Variants in AHCYL2 observed in about 807,000 individuals in gnomAD.
AHCYL2 encodes the protein S-adenosylhomocysteine hydrolase-like protein 2.
A neutral mutation model predicts 81.4 loss-of-function variants in AHCYL2; 28 were observed. The observed-to-expected ratio is 0.34, with a 90% confidence interval of 0.25 to 0.47. The LOEUF (loss-of-function observed/expected upper bound fraction) is 0.47. Ranked by LOEUF, AHCYL2 falls within the 20% of genes least tolerant of loss-of-function variation. The probability of loss-of-function intolerance (pLI) is 1.00; values close to 1 mark genes in which losing one functional copy is unlikely to be tolerated. For missense variants in AHCYL2, 551 were observed against 785.1 expected (o/e 0.70, Z 3.56); for synonymous variants, 272 against 290.2 (o/e 0.94, Z 0.64).
chr7:129,276,748 A>AG (rs1563177529), intron 1 of AHCYL2, among the ~76,000 whole-genome samples: 1 of 151,212 alleles, frequency 6.6e-6, no homozygotes, highest in African/African-American at 2.4e-5. Context: ...AAAAAAAAAA[A>AG]AAAGAAAAAA....
chr7:129,378,987 T>C (rs1256170849), intron 1 of AHCYL2, among the ~76,000 whole-genome samples: 1 of 152,040 alleles, frequency 6.6e-6, no homozygotes, highest in Non-Finnish European at 1.5e-5. Context: ...AAAAAGCATA[T>C]AGTCAAAGAG....
chr7:129,389,426 G>A (rs1174476259), intron 3 of AHCYL2, among the ~76,000 whole-genome samples: 1 of 150,690 alleles, frequency 6.6e-6, no homozygotes, highest in African/African-American at 2.4e-5. Flanking sequence ...GATAAGGACT[G>A]GAATATAGAG....
intron 1 of AHCYL2, among the ~76,000 whole-genome samples, chr7:129,271,263 A>T (rs1796002388): frequency 6.6e-6 from 1 of 151,638 alleles, no homozygotes; most frequent in African/African-American, 2.4e-5. Context: ...CGGGAGGCTA[A>T]GGCAGAAGAA....
intron 1 of AHCYL2, among the ~76,000 whole-genome samples, chr7:129,291,305 A>C (rs1796851103): frequency 6.6e-6 from 1 of 152,180 alleles, no homozygotes; most frequent in African/African-American, 2.4e-5. Context: ...TGCATGGATT[A>C]TACATATCAT....
At chr7:129,320,276 A>C (rs576787792) in intron 1 of AHCYL2, among the ~76,000 whole-genome samples, 1 of 152,266 alleles carries the variant, frequency 6.6e-6, no homozygotes, top group East Asian at 1.9e-4. Context: ...TATATTTTGT[A>C]AATATTTTCT....
intron 1 of AHCYL2, among the ~76,000 whole-genome samples, chr7:129,312,625 C>A (rs1563192052): frequency 1.3e-5 from 2 of 152,054 alleles, no homozygotes; most frequent in Non-Finnish European, 2.9e-5. Flanking sequence ...GTCAGGAGGT[C>A]AATATACAAG....
At chr7:129,320,508 G>A (rs1471220360) in intron 1 of AHCYL2, among the ~76,000 whole-genome samples, 1 of 152,066 alleles carries the variant, frequency 6.6e-6, no homozygotes, top group African/African-American at 2.4e-5. Context: ...GTAGAGATGC[G>A]GTTTCACCAT....
Position 129,421,126 on chromosome 7 carries a change from C to G in AHCYL2, c.1462-1714C>G, listed in dbSNP as rs1173733619. ...AATTAGCTGGGCATGATGGCAGGTG[C>G]CTATAATCCCAGCTATTCGGGAGGC... On this transcript the variant is annotated intron_variant, in intron 12 of 16. Coordinates refer to ENST00000325006, the MANE Select transcript of AHCYL2 (RefSeq NM_015328.4). 2.6e-5 allele frequency among the ~76,000 whole-genome samples: 4 copies of G among 152,066 alleles called. No individual in the cohort carries two copies. In the East Asian group the frequency reaches 7.7e-4, roughly 29 times the overall value.
Position 129,251,316 on chromosome 7 carries a change from GAT to G in AHCYL2, c.363+25878_363+25879del, listed in dbSNP as rs1491142849. 4.4e-4 allele frequency among the ~76,000 whole-genome samples: 38 copies of G among 85,550 alleles called. No individual in the cohort carries two copies. The East Asian group carries it at 5.7e-3, about 13-fold the overall frequency. 56.1% of individuals were successfully genotyped at this position (85,550 alleles called of 152,430 possible). On this transcript the variant is annotated intron_variant, in intron 1 of 16. Coordinates refer to ENST00000325006, the MANE Select transcript of AHCYL2 (RefSeq NM_015328.4). ...TTGTTAACAGCTGGCAGATAGTAAA[GAT>G]TTTTTTTTTTTTTTTTTTTTTTTTA... is the stretch of plus-strand genomic sequence containing the variant.
chr7:129,352,435 A>G (rs1488206605), intron 1 of AHCYL2, among the ~76,000 whole-genome samples: 2 of 152,222 alleles, frequency 1.3e-5, no homozygotes, highest in Middle Eastern at 3.4e-3. Flanking sequence ...ACCTATCTAT[A>G]TATATACTGT....
chr7:129,258,556 CT>C (rs56039495), intron 1 of AHCYL2, among the ~76,000 whole-genome samples: 1,453 of 133,044 alleles, frequency 0.011, 27 homozygotes, highest in African/African-American at 0.032. Flanking sequence ...ATTTATCTTG[CT>C]TTTTTTTTTT....
At chr7:129,394,872 T>G (rs979729837) in intron 4 of AHCYL2, among the ~76,000 whole-genome samples, 1 of 152,178 alleles carries the variant, frequency 6.6e-6, no homozygotes, top group African/African-American at 2.4e-5. Flanking sequence ...TATAGCAAGA[T>G]CCTGTGTATA....
intron 1 of AHCYL2, among the ~76,000 whole-genome samples, chr7:129,374,905 T>TC (rs966736827): frequency 2.0e-5 from 3 of 151,114 alleles, no homozygotes; most frequent in African/African-American, 7.3e-5. Flanking sequence ...GACATCACTT[T>TC]CCCCCCAATC....
At chr7:129,313,012 T>C (rs1283858529) in intron 1 of AHCYL2, among the ~76,000 whole-genome samples, 3 of 152,360 alleles carry the variant, frequency 2.0e-5, no homozygotes, top group Non-Finnish European at 4.4e-5. Flanking sequence ...CTGTCTCTCT[T>C]AACCACTTTC....
At chr7:129,398,841 T>G (rs949535333) in intron 5 of AHCYL2, among the ~76,000 whole-genome samples, 2 of 151,946 alleles carry the variant, frequency 1.3e-5, no homozygotes, top group Non-Finnish European at 2.9e-5. Flanking sequence ...CCATGACAGA[T>G]TATAAATCCA....
At chr7:129,241,974 A>G (rs1794873592) in intron 1 of AHCYL2, among the ~76,000 whole-genome samples, 1 of 151,762 alleles carries the variant, frequency 6.6e-6, no homozygotes. Context: ...CTTTGTGTTT[A>G]TAACTCCCCT....
rs939671992 is a variant in AHCYL2 at position 129,406,829 on chromosome 7, T to G, written c.1295+363T>G. Among the ~76,000 whole-genome samples, 5 of 152,166 alleles carry G rather than the reference T, an allele frequency of 3.3e-5. No individual in the cohort carries two copies. Among genetic ancestry groups the G allele is most frequent in the African/African-American group, 1.2e-4 (5 of 41,428 alleles). On this transcript the variant is annotated intron_variant, in intron 10 of 16. Coordinates refer to ENST00000325006, the MANE Select transcript of AHCYL2 (RefSeq NM_015328.4). The surrounding 1 kb of genome is among the most constrained non-coding windows in gnomAD (Gnocchi z 4.3). The stretch of plus-strand genomic sequence containing the variant: ...GAAAATAGCCCTTCTGTGGTATTCC[T>G]CCCAAAAATGTATAACCTGAATCTA...
intron 1 of AHCYL2, among the ~76,000 whole-genome samples, chr7:129,246,633 G>T (rs952156967): frequency 2.0e-5 from 3 of 152,000 alleles, no homozygotes; most frequent in Non-Finnish European, 2.9e-5. Context: ...AGTAGCTGGG[G>T]CTATAGTTGC....
chr7:129,341,917 T>TA (rs1314087285), intron 1 of AHCYL2, among the ~76,000 whole-genome samples: 3 of 152,154 alleles, frequency 2.0e-5, no homozygotes, highest in Admixed American at 6.5e-5. Flanking sequence ...AATATCAGTG[T>TA]AAAGGAGCAT....
Sources: gnomAD v4.1 joint callset for allele counts (sites outside exome capture counted in the v4.1 genomes callset) on GRCh38, gnomAD v4.1.1 for gene constraint, Gnocchi (gnomAD v3.1) non-coding constraint, MANE v1.5 for transcripts, NCBI Gene and HGNC (gene_info 2026-07-23, HGNC 2026-07-21) for gene names.